Variants in PHKB observed in about 807,000 individuals in gnomAD.
PHKB encodes the protein phosphorylase kinase regulatory subunit beta.
A neutral mutation model predicts 152.1 loss-of-function variants in PHKB; 122 were observed. The ratio of observed to expected loss-of-function variants is 0.80; its 90% CI spans 0.69 to 0.93. The LOEUF (loss-of-function observed/expected upper bound fraction) is 0.93. Ranked by LOEUF, PHKB falls within the 40% of genes least tolerant of loss-of-function variation. The probability of loss-of-function intolerance (pLI) is 0.00; values close to 1 mark genes in which losing one functional copy is unlikely to be tolerated. For missense variants in PHKB, 1,304 were observed against 1,328.4 expected, an observed-to-expected ratio of 0.98 and a Z score of 0.29; for synonymous variants, 436 against 464.9, an observed-to-expected ratio of 0.94 and a Z score of 0.80.
intron 1 of PHKB, chr16:47,463,942 G>A (rs1326588225): frequency 6.2e-7 from 1 of 1,613,982 alleles, no homozygotes; most frequent in Non-Finnish European, 8.5e-7. Flanking sequence ...ATTTGAAATG[G>A]CCTGCTCACC....
intron 7 of PHKB, among the ~76,000 whole-genome samples, chr16:47,564,150 A>G (rs1409780422): frequency 6.6e-6 from 1 of 151,996 alleles, no homozygotes; most frequent in Non-Finnish European, 1.5e-5. Flanking sequence ...ACATGCAGGT[A>G]TCTTTTTTAT....
chr16:47,682,791 T>A (rs1973887002), intron 26 of PHKB, among the ~76,000 whole-genome samples: 1 of 152,266 alleles, frequency 6.6e-6, no homozygotes, highest in Admixed American at 6.5e-5. Context: ...TCCAGCTTTG[T>A]TCCGTTGCTG....
chr16:47,524,756 C>T (rs754774258), intron 6 of PHKB, among the ~76,000 whole-genome samples: 17 of 152,172 alleles, frequency 1.1e-4, no homozygotes, highest in Non-Finnish European at 1.8e-4. Context: ...CGTTAGTATT[C>T]ATTTGTGTTT....
intron 7 of PHKB, chr16:47,566,688 CGGT>C: frequency 1.2e-6 from 1 of 818,782 alleles, no homozygotes; most frequent in Admixed American, 1.7e-5. Flanking sequence ...AAGGATGGAA[CGGT>C]CAATTGGAGG....
At chr16:47,629,415 A>T (rs1972779323) in intron 14 of PHKB, among the ~76,000 whole-genome samples, 1 of 152,110 alleles carries the variant, frequency 6.6e-6, no homozygotes, top group Admixed American at 6.5e-5. Flanking sequence ...CAAAAAACAC[A>T]TGAAAAAATG....
intron 7 of PHKB, among the ~76,000 whole-genome samples, chr16:47,552,252 C>G (rs1258282523): frequency 6.6e-6 from 1 of 152,150 alleles, no homozygotes; most frequent in Non-Finnish European, 1.5e-5. Context: ...TGGATCCTGT[C>G]ATTATGATGT....
chr16:47,503,612 C>T (rs1225241927), intron 4 of PHKB, among the ~76,000 whole-genome samples: 5 of 152,136 alleles, frequency 3.3e-5, no homozygotes, highest in East Asian at 1.9e-4. Flanking sequence ...GGGTGGATCA[C>T]GAGGTCAAGA....
intron 12 of PHKB, 119 bp downstream of exon 12, chr16:47,594,333 A>G (rs1972082025): frequency 3.0e-6 from 2 of 667,572 alleles, no homozygotes; most frequent in South Asian, 3.4e-5. Context: ...AAAATGAATG[A>G]TCCCTGATAT....
chr16:47,666,219 G>A (rs1973536738), intron 25 of PHKB, among the ~76,000 whole-genome samples: 2 of 152,194 alleles, frequency 1.3e-5, no homozygotes, highest in South Asian at 2.1e-4. Flanking sequence ...TATTAAATGG[G>A]CCTTCCCCTT....
At chr16:47,594,453 A>G (rs1972083685) in intron 12 of PHKB, among the ~76,000 whole-genome samples, 1 of 152,138 alleles carries the variant, frequency 6.6e-6, no homozygotes, top group African/African-American at 2.4e-5. Context: ...TTCATCTGTT[A>G]TTTACTATGT....
chr16:47,605,271 A>G (rs1972302009), intron 13 of PHKB, among the ~76,000 whole-genome samples: 2 of 152,184 alleles, frequency 1.3e-5, no homozygotes, highest in Non-Finnish European at 1.5e-5. Context: ...CATACAGTCT[A>G]TGAGTTTATA....
At position 47,461,412 on chromosome 16, in the gene PHKB, G is replaced by C. The variant is rs765238295; in HGVS notation, c.62G>C (p.Arg21Pro). The change falls in exon 1 of 31, where the codon CGG (arginine) becomes CCG (proline). Residue 21 changes from arginine to proline, a missense_variant. Physicochemically the swap from Arg to Pro is moderately radical, Grantham distance 103. Coordinates refer to ENST00000323584, the MANE Select transcript of PHKB (RefSeq NM_000293.3). ...TGGAAGGTCTTGGAGCGAAGAGCTC[G>C]GACCAAGCGCTCAGGTTTGGCTGGC... The part of the protein sequence containing the change: ...VSWKVLERRA[R>P]TKRSGSVYEP... 5.6e-6 allele frequency: 9 copies of C among 1,613,166 alleles called. No homozygotes were observed. The East Asian group carries it at 1.3e-4, about 24-fold the overall frequency.
intron 13 of PHKB, among the ~76,000 whole-genome samples, chr16:47,610,407 A>G (rs1276405154): frequency 6.6e-6 from 1 of 151,760 alleles, no homozygotes; most frequent in African/African-American, 2.4e-5. Context: ...TTCTCTGAGC[A>G]TTGTTTTACC....
rs772452194 is a variant in PHKB, at chr16:47,650,821, T to A, written c.1881-10T>A. The A allele has an allele frequency of 6.3e-7, 1 of 1,597,834 alleles. No homozygotes were observed. Among genetic ancestry groups the A allele is most frequent in the Non-Finnish European group, 8.6e-7 (1 of 1,165,590 alleles). On this transcript the variant is annotated splice_polypyrimidine_tract_variant and intron_variant, in intron 19 of 30. Coordinates refer to ENST00000323584, the MANE Select transcript of PHKB (RefSeq NM_000293.3). ...TTAATCTGTACATTTTGTTTATTTA[T>A]ATTTTTTAGAGGTAGCCGGTTCAAC...
chr16:47,494,897 CA>C (rs1187629278), intron 1 of PHKB, among the ~76,000 whole-genome samples: 2 of 152,096 alleles, frequency 1.3e-5, no homozygotes, highest in East Asian at 3.9e-4. Flanking sequence ...TATTGTTTAC[CA>C]TAAATTGTGT....
intron 7 of PHKB, among the ~76,000 whole-genome samples, chr16:47,571,553 A>T (rs926533402): frequency 6.6e-6 from 1 of 152,128 alleles, no homozygotes; most frequent in African/African-American, 2.4e-5. Context: ...GACATTCCAT[A>T]TCCAGAGACA....
intron 1 of PHKB, among the ~76,000 whole-genome samples, chr16:47,495,835 T>A (rs1277663678): frequency 6.6e-6 from 1 of 152,194 alleles, no homozygotes; most frequent in Non-Finnish European, 1.5e-5. Context: ...GGTCTCTCCG[T>A]TCCTCACTAT....
intron 7 of PHKB, chr16:47,565,018 T>G (rs1464507963): frequency 4.0e-5 from 14 of 349,664 alleles, no homozygotes; most frequent in Non-Finnish European, 7.8e-5. Flanking sequence ...GGATAGAGGT[T>G]TGATTTGCTC....
At chr16:47,629,519 A>G (rs1198165020) in intron 14 of PHKB, among the ~76,000 whole-genome samples, 2 of 151,582 alleles carry the variant, frequency 1.3e-5, no homozygotes, top group East Asian at 1.9e-4. Flanking sequence ...AAAAGTCAGG[A>G]AACAACAGGT....
Sources: allele counts gnomAD v4.1 joint callset (sites outside exome capture counted in the v4.1 genomes callset), GRCh38; gene constraint gnomAD v4.1.1; transcripts MANE v1.5; gene names NCBI Gene and HGNC (gene_info 2026-07-23, HGNC 2026-07-21).